The following CSMD3 variants were observed in gnomAD, a reference collection of about 807,000 sequenced individuals.
CSMD3 encodes the protein CUB and sushi domain-containing protein 3.
A neutral mutation model predicts 435.2 loss-of-function variants in CSMD3; 177 were observed. The observed-to-expected ratio is 0.41, with a 90% CI of 0.36 to 0.46. The LOEUF is 0.46. Ranked by LOEUF, CSMD3 falls within the 20% of genes least tolerant of loss-of-function variation. CSMD3 has a pLI of 0.34. For synonymous variants in CSMD3, 1,656 were observed against 1,520.5 expected, an observed-to-expected ratio of 1.09 and a Z score of -2.07; for missense variants, 4,265 against 4,504.6, an observed-to-expected ratio of 0.95 and a Z score of 1.52.
At chr8:112,635,223 G>A (rs180766911) in intron 22 of CSMD3, among the ~76,000 whole-genome samples, 2 of 151,948 alleles carry the variant, frequency 1.3e-5, no homozygotes, top group Admixed American at 6.6e-5. Context: ...ATTGTGCCAG[G>A]TGTCTGATTT....
At chr8:112,696,824 C>T (rs2131854442) in intron 13 of CSMD3, among the ~76,000 whole-genome samples, 1 of 151,862 alleles carries the variant, frequency 6.6e-6, no homozygotes, top group African/African-American at 2.4e-5. Context: ...GCAATCTACT[C>T]ATCTGACAAA....
intron 5 of CSMD3, among the ~76,000 whole-genome samples, chr8:113,021,819 G>A (rs1029048397): frequency 3.9e-5 from 6 of 152,120 alleles, no homozygotes; most frequent in African/African-American, 1.4e-4. Context: ...GAAGTAGAAT[G>A]TGCATGAGGT....
At chr8:112,574,581 G>A (rs546985538) in intron 23 of CSMD3, among the ~76,000 whole-genome samples, 1 of 151,782 alleles carries the variant, frequency 6.6e-6, no homozygotes, top group African/African-American at 2.4e-5. Context: ...TAAATCCAGG[G>A]TTTACCAACA....
At chr8:112,954,906 T>G (rs564004762) in intron 7 of CSMD3, 145 bp from the exon 8 acceptor site, 55 of 620,940 alleles carry the variant, frequency 8.9e-5, no homozygotes, top group Non-Finnish European at 1.5e-4. Flanking sequence ...AGAATTTTTT[T>G]TAAAGCAATA....
intron 1 of CSMD3, among the ~76,000 whole-genome samples, chr8:113,421,603 A>G (rs905594749): frequency 2.0e-4 from 30 of 152,300 alleles, no homozygotes; most frequent in African/African-American, 7.2e-4. Context: ...ACTTTGGTAT[A>G]CTGAATACTT....
At chr8:112,888,073 T>C (rs1325801660) in intron 10 of CSMD3, among the ~76,000 whole-genome samples, 1 of 151,718 alleles carries the variant, frequency 6.6e-6, no homozygotes, top group East Asian at 2.0e-4. Context: ...AAATTGTCTT[T>C]GATGTCTATT....
chr8:112,500,134 T>C (rs1242779223), intron 30 of CSMD3, among the ~76,000 whole-genome samples: 2 of 151,820 alleles, frequency 1.3e-5, no homozygotes, highest in African/African-American at 4.8e-5. Context: ...GCAGTATTTA[T>C]CTCAAGAAAT....
Position 113,254,105 on chromosome 8 carries a change from G to A in CSMD3, c.514+24487C>T, listed in dbSNP as rs73701348. Among the ~76,000 whole-genome samples the A allele has an allele frequency of 2.3e-3, 350 of 152,190 alleles. 1 individual carries two copies. The highest frequency in any genetic ancestry group is 7.9e-3 in the African/African-American group (330 of 41,524). On this transcript the variant is annotated intron_variant, in intron 3 of 70. Transcript: ENST00000297405. Reference sequence around the variant, plus strand: ...CACAAAAATATTTTTAGTATCCTCCGTCTGATCTGAGTGTCTATAATTTTC... The same window carrying A: ...CACAAAAATATTTTTAGTATCCTCCATCTGATCTGAGTGTCTATAATTTTC...
intron 11 of CSMD3, among the ~76,000 whole-genome samples, chr8:112,856,367 C>A (rs2080659210): frequency 1.3e-5 from 2 of 151,634 alleles, no homozygotes; most frequent in Non-Finnish European, 3.0e-5. Context: ...AAGACAGTCA[C>A]CTATAAATTA....
chr8:112,616,296 T>C (rs954608105), intron 22 of CSMD3, among the ~76,000 whole-genome samples: 1 of 152,044 alleles, frequency 6.6e-6, no homozygotes, highest in African/African-American at 2.4e-5. Flanking sequence ...CAGTTTATCT[T>C]CATGTATGAC....
At chr8:113,368,810 T>C (rs1187917439) in intron 1 of CSMD3, among the ~76,000 whole-genome samples, 2 of 152,126 alleles carry the variant, frequency 1.3e-5, no homozygotes, top group African/African-American at 4.8e-5. Context: ...TCTAAATTCA[T>C]ATCTAGTCCT....
At chr8:112,408,091 T>C (rs977390603) in intron 34 of CSMD3, among the ~76,000 whole-genome samples, 2 of 151,886 alleles carry the variant, frequency 1.3e-5, no homozygotes, top group African/African-American at 4.8e-5. Context: ...GAAAATAATA[T>C]GTGGGAAGGA....
intron 13 of CSMD3, among the ~76,000 whole-genome samples, chr8:112,747,994 C>CA (rs1381720980): frequency 1.4e-5 from 2 of 142,790 alleles, no homozygotes; most frequent in Non-Finnish European, 3.0e-5. Context: ...AAACAGGCAT[C>CA]AGGCCATATT....
intron 49 of CSMD3, 96 bp downstream of exon 49, chr8:112,313,810 G>C (rs2130829009): frequency 1.0e-6 from 1 of 972,572 alleles, no homozygotes; most frequent in Non-Finnish European, 1.6e-6. Flanking sequence ...GCTGTGATTT[G>C]AATTCATGTC....
At chr8:113,219,881 TACAA>T (rs1237662823) in intron 3 of CSMD3, among the ~76,000 whole-genome samples, 2 of 151,484 alleles carry the variant, frequency 1.3e-5, no homozygotes, top group East Asian at 1.9e-4. Flanking sequence ...TGAAATATAT[TACAA>T]ACAAAGTGTT....
At chr8:112,376,759 G>A (rs191558812) in intron 38 of CSMD3, among the ~76,000 whole-genome samples, 69 of 152,224 alleles carry the variant, frequency 4.5e-4, no homozygotes, top group African/African-American at 1.5e-3. Context: ...TAGGTGCTAT[G>A]TCCATTTATT....
At chr8:112,382,790 G>A (rs905682917) in intron 37 of CSMD3, among the ~76,000 whole-genome samples, 2 of 152,106 alleles carry the variant, frequency 1.3e-5, no homozygotes, top group African/African-American at 2.4e-5. Flanking sequence ...AGAAGTTCAC[G>A]ACCCGCCTCG....
intron 27 of CSMD3, among the ~76,000 whole-genome samples, chr8:112,530,784 C>G (rs1442979614): frequency 6.6e-6 from 1 of 152,196 alleles, no homozygotes; most frequent in Non-Finnish European, 1.5e-5. Context: ...ATTCCAAAGC[C>G]CTTGACTCCG....
chr8:112,309,495 A>C (rs1162345186), intron 50 of CSMD3, among the ~76,000 whole-genome samples: 1 of 151,996 alleles, frequency 6.6e-6, no homozygotes. Context: ...GAAATTTGAC[A>C]TCAAAGATTC....
Sources: gnomAD v4.1 joint callset for allele counts (sites outside exome capture counted in the v4.1 genomes callset) on GRCh38, gnomAD v4.1.1 for gene constraint, MANE v1.5 for transcripts, NCBI Gene and HGNC (gene_info 2026-07-23, HGNC 2026-07-21) for gene names.